URB2: variants seen among roughly 807,000 people sequenced by gnomAD.
URB2 encodes the protein URB2 ribosome biogenesis homolog, also known as unhealthy ribosome biogenesis protein 2 homolog.
URB2 carries 86 observed loss-of-function variants against 120.9 expected under a neutral mutation model. That is an observed-to-expected ratio of 0.71 (90% CI 0.60 to 0.85). URB2 has a LOEUF of 0.85. URB2 is among the 40% of genes least tolerant of loss of function. The probability of loss-of-function intolerance (pLI) is 0.00; values close to 1 mark genes in which losing one functional copy is unlikely to be tolerated. For missense variants in URB2, 1,765 were observed against 1,836.5 expected, an observed-to-expected ratio of 0.96 and a Z score of 0.71; for synonymous variants, 755 against 758.4, an observed-to-expected ratio of 1.00 and a Z score of 0.07.
Position 229,659,512 on chromosome 1 carries a change from A to G in URB2, c.*215A>G, listed in dbSNP as rs1666475070. On this transcript the variant is annotated 3_prime_UTR_variant, in exon 10 of 10. Coordinates refer to ENST00000258243, the MANE Select transcript of URB2 (RefSeq NM_014777.4). ...ATAGTTTTATGCAGTAAGTATTGCAATAGAATCCTGAAAATTGACCCTGGG... is the reference window on the plus strand; with the variant it reads ...ATAGTTTTATGCAGTAAGTATTGCAGTAGAATCCTGAAAATTGACCCTGGG... 3 of 445,664 alleles carry G rather than the reference A, an allele frequency of 6.7e-6. No homozygotes were observed. The highest frequency in any genetic ancestry group is 3.9e-5 in the African/African-American group (2 of 51,092). 27.6% of individuals were successfully genotyped at this position (445,664 alleles called of 1,614,324 possible).
Position 229,637,003 on chromosome 1 carries a change from A to T in URB2, c.2390A>T (p.His797Leu). The change falls in exon 4 of 10, where the codon CAT becomes CTT. Residue 797 changes from histidine (H) to leucine (L), a missense_variant. Coordinates refer to ENST00000258243, the MANE Select transcript of URB2 (RefSeq NM_014777.4). The part of the protein sequence containing the change: ...TLEKISKAFL[H>L]SPLFPEMQSL... ...GAAAAAATATCCAAAGCCTTCCTTC[A>T]TAGCCCTCTCTTTCCAGAGATGCAG... 2 of 1,614,104 alleles carry T rather than the reference A, an allele frequency of 1.2e-6. No individual in the cohort carries two copies. Among genetic ancestry groups the T allele is most frequent in the Non-Finnish European group, 1.7e-6 (2 of 1,180,048 alleles).
At chr1:229,626,517 C>A (rs1277986952) in intron 1 of URB2, among the ~76,000 whole-genome samples, 161 bp downstream of exon 1, 1 of 152,280 alleles carries the variant, frequency 6.6e-6, no homozygotes, top group African/African-American at 2.4e-5. Context: ...AGACTCTGGG[C>A]TGGAGCGGCT....
chr1:229,633,959 G>A (rs901559734), intron 3 of URB2, among the ~76,000 whole-genome samples: 4 of 151,890 alleles, frequency 2.6e-5, no homozygotes, highest in African/African-American at 9.7e-5. Flanking sequence ...AGCCTCCCGA[G>A]TAGCTGGGAC....
rs368401658 is a variant in URB2 at position 229,627,699 on chromosome 1, A to G, written c.66A>G (p.Lys22=). The G allele has an allele frequency of 1.1e-4, 180 of 1,613,434 alleles. No homozygotes were observed. Among genetic ancestry groups the G allele is most frequent in the Non-Finnish European group, 1.5e-4 (178 of 1,179,718 alleles). Residue 22 remains lysine (K), a synonymous_variant, in exon 2 of 10, where the codon AAA becomes AAG. Transcript: ENST00000258243. ...LKSKTTSWED[K]LKLAHFAWIS... ...GCAAGACAACTTCCTGGGAAGATAA[A>G]CTAAAACTAGCTCACTTTGCTTGGA...
At chr1:229,657,325 C>T (rs1243288654) in intron 9 of URB2, among the ~76,000 whole-genome samples, 1 of 152,104 alleles carries the variant, frequency 6.6e-6, no homozygotes, top group Non-Finnish European at 1.5e-5. Context: ...TTCTTACTAC[C>T]CCCAGAGCTC....
At chr1:229,643,761 T>C (rs141534646) in intron 5 of URB2, 68 bp downstream of exon 5, 1 of 1,563,168 alleles carries the variant, frequency 6.4e-7, no homozygotes, top group East Asian at 2.2e-5. Flanking sequence ...GAAAACTGAT[T>C]TGAGATGTGG....
chr1:229,630,751 G>A lies in URB2; in HGVS notation c.127-1518G>A, dbSNP rs552316238. 7.2e-5 allele frequency among the ~76,000 whole-genome samples: 11 copies of A among 152,196 alleles called. No homozygotes were observed. The South Asian group carries it at 2.3e-3, about 32-fold the overall frequency. On this transcript the variant is annotated intron_variant, in intron 2 of 9. Transcript: ENST00000258243. ...GCCTGTAATCCCAGCACTTTGGGAG[G>A]CCAACGCAGGTGGATCACCTGAGGC... is the stretch of plus-strand genomic sequence containing the variant.
chr1:229,646,790 C>T (rs1258398484), intron 6 of URB2, among the ~76,000 whole-genome samples: 1 of 152,230 alleles, frequency 6.6e-6, no homozygotes, highest in Non-Finnish European at 1.5e-5. Context: ...GGTGTTCTTA[C>T]ACTTAGGTGC....
In URB2 at chr1:229,659,401, A is replaced by G. The variant is rs915293235; in HGVS notation, c.*104A>G. The G allele has an allele frequency of 6.7e-6, 8 of 1,194,962 alleles. No homozygotes were observed. The highest frequency in any genetic ancestry group is 6.1e-5 in the African/African-American group (4 of 65,580). 74.0% of individuals were successfully genotyped at this position (1,194,962 alleles called of 1,614,324 possible). A position where few individuals can be genotyped will look rare whatever the true frequency, so the allele number is the denominator to read the frequency against. ...GACTTAAGATGTTCTAATTCGTAGTATTGGTATACATAGAAAATCCTTTGG... is the reference window on the plus strand; with the variant it reads ...GACTTAAGATGTTCTAATTCGTAGTGTTGGTATACATAGAAAATCCTTTGG... On this transcript the variant is annotated 3_prime_UTR_variant, in exon 10 of 10. Transcript: ENST00000258243.
Position 229,635,648 on chromosome 1 carries a change from C to G in URB2, c.1035C>G (p.Ser345Arg). ...TTTCACACCTGCAGGAGGAGCAGAG[C>G]AAAGCCCTGTCCACATCAGATTGGA... ...LKISHLQEEQ[S>R]KALSTSDWTT... Residue 345 changes from serine (S) to arginine (R), a missense_variant, in exon 4 of 10, where the codon AGC becomes AGG. Coordinates refer to ENST00000258243, the MANE Select transcript of URB2 (RefSeq NM_014777.4). The G allele has an allele frequency of 1.9e-6, 3 of 1,614,120 alleles. No homozygotes were observed. Among genetic ancestry groups the G allele is most frequent in the South Asian group, 1.1e-5 (1 of 91,084 alleles).
Position 229,637,108 on chromosome 1 carries a change from G to A in URB2, c.2495G>A (p.Gly832Asp). 1.2e-6 allele frequency: 2 copies of A among 1,613,122 alleles called. No homozygotes were observed. The highest frequency in any genetic ancestry group is 8.5e-7 in the Non-Finnish European group (1 of 1,179,384). Residue 832 changes from glycine to aspartate, a missense_variant, in exon 4 of 10, where the codon GGT becomes GAT. By Grantham distance (94) the Gly-to-Asp change is moderately conservative. Coordinates refer to ENST00000258243, the MANE Select transcript of URB2 (RefSeq NM_014777.4). ...ILCSGAQRDS[G>D]LVSQQLPWLF... ...TGTTCTGGTGCCCAGCGTGACTCAG[G>A]TCTTGTCAGTCAGCAGCTTCCCTGG...
At position 229,648,006 on chromosome 1, in the gene URB2, T is replaced by A. The variant is rs542351474; in HGVS notation, c.4149+254T>A. Among the ~76,000 whole-genome samples the A allele has an allele frequency of 1.3e-3, 192 of 152,346 alleles. 1 individual carries two copies. Among genetic ancestry groups the A allele is most frequent in the African/African-American group, 3.4e-3 (140 of 41,578 alleles). On this transcript the variant is annotated intron_variant, in intron 7 of 9. Coordinates refer to ENST00000258243, the MANE Select transcript of URB2 (RefSeq NM_014777.4). The stretch of plus-strand genomic sequence containing the variant: ...GGTGCTATGAATAGTGTTTGTATAC[T>A]ACAGGTTGAACACTTCTAATCCAAA...
chr1:229,658,383 T>C (rs1666452027), intron 9 of URB2, among the ~76,000 whole-genome samples: 1 of 152,214 alleles, frequency 6.6e-6, no homozygotes, highest in South Asian at 2.1e-4. Context: ...AGATTTTAGG[T>C]AACCCTGAAC....
intron 2 of URB2, among the ~76,000 whole-genome samples, chr1:229,630,726 G>A (rs532634333): frequency 2.0e-5 from 3 of 152,206 alleles, no homozygotes; most frequent in African/African-American, 4.8e-5. Context: ...AGTGGCTCAC[G>A]CCTGTAATCC....
At chr1:229,643,740 G>A (rs767625756) in intron 5 of URB2, 47 bp downstream of exon 5, 16 of 1,584,296 alleles carry the variant, frequency 1.0e-5, no homozygotes, top group Middle Eastern at 2.1e-4. Flanking sequence ...AAACCACGTC[G>A]GCTCAAATGG....
In URB2 at chr1:229,634,644, A is replaced by G. The variant is rs965061067; in HGVS notation, c.304-273A>G. ...TTTAAGCCCTTTAAAACCCAGCTTT[A>G]AAAAAAGGGACAGCAAATTTACAAA... On this transcript the variant is annotated intron_variant, in intron 3 of 9. Coordinates refer to ENST00000258243, the MANE Select transcript of URB2 (RefSeq NM_014777.4). 2.0e-5 allele frequency among the ~76,000 whole-genome samples: 3 copies of G among 152,164 alleles called. No individual in the cohort carries two copies. In the South Asian group the frequency reaches 6.2e-4, roughly 31 times the overall value.
At position 229,637,971 on chromosome 1, in the gene URB2, G is replaced by T. The variant is rs770917791; in HGVS notation, c.3358G>T (p.Val1120Phe). 1.2e-6 allele frequency: 2 copies of T among 1,613,530 alleles called. No homozygotes were observed. Among genetic ancestry groups the T allele is most frequent in the Non-Finnish European group, 1.7e-6 (2 of 1,179,826 alleles). ...WRLPSVLISS[V>F]STLLEADLGQ... ...CCTTCCCTCGGTCCTCATCTCATCC[G>T]TCAGCACGCTCTTGGAAGCCGACCT... is the stretch of plus-strand genomic sequence containing the variant. Residue 1120 changes from valine (V) to phenylalanine (F), a missense_variant, in exon 4 of 10, where the codon GTC (valine) becomes TTC (phenylalanine). Transcript: ENST00000258243.
In URB2 at chr1:229,647,634, G is replaced by C. The variant is rs773178426; in HGVS notation, c.4031G>C (p.Ser1344Thr). 6.2e-7 allele frequency: 1 copy of C among 1,614,194 alleles called. No individual in the cohort carries two copies. Among genetic ancestry groups the C allele is most frequent in the South Asian group, 1.1e-5 (1 of 91,088 alleles). ...EEAIGNPHHV[S>T]LAFSILLTVP... ...GCCATCGGCAACCCCCACCACGTCA[G>C]CCTGGCCTTCAGCATCCTTCTCACT... Residue 1344 changes from serine to threonine, a missense_variant, in exon 7 of 10, where the codon AGC (serine) becomes ACC (threonine). Transcript: ENST00000258243.
chr1:229,646,796 G>A (rs1213071289), intron 6 of URB2, among the ~76,000 whole-genome samples: 1 of 152,160 alleles, frequency 6.6e-6, no homozygotes, highest in Non-Finnish European at 1.5e-5. Context: ...CTTACACTTA[G>A]GTGCGAAGGA....
Sources: allele counts gnomAD v4.1 joint callset (sites outside exome capture counted in the v4.1 genomes callset), GRCh38; gene constraint gnomAD v4.1.1; transcripts MANE v1.5; gene names NCBI Gene and HGNC (gene_info 2026-07-23, HGNC 2026-07-21).